The following YPEL2 variants were observed in gnomAD, a reference collection of about 807,000 sequenced individuals.
YPEL2 encodes the protein yippee like 2.
YPEL2 carries 2 observed loss-of-function variants against 19.1 expected under a neutral mutation model. That is an observed-to-expected ratio of 0.10 (90% CI 0.04 to 0.33). The LOEUF is 0.33. YPEL2 is among the 10% of genes least tolerant of loss of function. The pLI is 1.00. For synonymous variants in YPEL2, 52 were observed against 50.0 expected (o/e 1.04, Z -0.17); for missense variants, 66 against 140.7 (o/e 0.47, Z 2.68).
chr17:59,339,159 TTGTC>T (rs1567728937), intron 1 of YPEL2, among the ~76,000 whole-genome samples: 1 of 141,904 alleles, frequency 7.0e-6, no homozygotes, highest in Non-Finnish European at 1.5e-5. Context: ...ACTTCGGTCT[TTGTC>T]TGTTGGGGGT....
At chr17:59,356,865 T>C (rs909870402) in intron 2 of YPEL2, among the ~76,000 whole-genome samples, 1 of 152,146 alleles carries the variant, frequency 6.6e-6, no homozygotes. Flanking sequence ...AGGACACTAA[T>C]CCCATTCACA....
At chr17:59,375,523 C>T (rs2047916165) in intron 2 of YPEL2, among the ~76,000 whole-genome samples, 1 of 152,192 alleles carries the variant, frequency 6.6e-6, no homozygotes, top group African/African-American at 2.4e-5. Context: ...GGCTGGGACT[C>T]AGAGGGTGTT....
intron 2 of YPEL2, among the ~76,000 whole-genome samples, chr17:59,370,273 C>A (rs1284682705): frequency 6.6e-6 from 1 of 152,144 alleles, no homozygotes; most frequent in Non-Finnish European, 1.5e-5. Context: ...CTGTGTTAGC[C>A]AGGATGGTCT....
At chr17:59,337,313 G>A (rs928368237) in intron 1 of YPEL2, among the ~76,000 whole-genome samples, 13 of 150,496 alleles carry the variant, frequency 8.6e-5, no homozygotes, top group Admixed American at 3.3e-4. Context: ...TCAGCCTCCC[G>A]AGTAGCTGGG....
At chr17:59,345,478 A>C (rs921057207) in intron 1 of YPEL2, among the ~76,000 whole-genome samples, 2 of 152,106 alleles carry the variant, frequency 1.3e-5, no homozygotes, top group Admixed American at 1.3e-4. Context: ...ATTTTCAGAG[A>C]AGTTTTAGCA....
At chr17:59,392,497 C>T (rs994844306) in intron 4 of YPEL2, among the ~76,000 whole-genome samples, 1 of 149,404 alleles carries the variant, frequency 6.7e-6, no homozygotes, top group Non-Finnish European at 1.5e-5. Context: ...TATGTGCCAG[C>T]TCAGGGCACG....
chr17:59,338,674 G>C (rs1323895801), intron 1 of YPEL2, among the ~76,000 whole-genome samples: 1 of 152,076 alleles, frequency 6.6e-6, no homozygotes, highest in Admixed American at 6.6e-5. Flanking sequence ...AGCTACCATG[G>C]CTGCAGATAG....
At chr17:59,366,543 G>A (rs952221090) in intron 2 of YPEL2, among the ~76,000 whole-genome samples, 11 of 152,196 alleles carry the variant, frequency 7.2e-5, no homozygotes, top group African/African-American at 2.7e-4. Flanking sequence ...AGCTAGCCCA[G>A]CCGAGTCGGG....
At chr17:59,380,235 G>A (rs1254457415) in intron 2 of YPEL2, among the ~76,000 whole-genome samples, 1 of 149,868 alleles carries the variant, frequency 6.7e-6, no homozygotes, top group East Asian at 2.0e-4. Flanking sequence ...ATATAGTCTT[G>A]AAGTTTATGA....
chr17:59,335,710 G>A (rs1269257137), intron 1 of YPEL2, among the ~76,000 whole-genome samples: 1 of 151,842 alleles, frequency 6.6e-6, no homozygotes, highest in Non-Finnish European at 1.5e-5. Context: ...CACCACGCCC[G>A]GCTAATTTTT....
At chr17:59,396,029 C>G (rs376999961) in intron 4 of YPEL2, among the ~76,000 whole-genome samples, 1 of 151,978 alleles carries the variant, frequency 6.6e-6, no homozygotes, top group African/African-American at 2.4e-5. Context: ...TGTAGTGAGC[C>G]GAGATTGCAC....
At position 59,339,189 on chromosome 17, in the gene YPEL2, C is replaced by T. The variant is rs531480771; in HGVS notation, c.-196+7365C>T. Among the ~76,000 whole-genome samples the T allele has an allele frequency of 2.8e-5, 4 of 144,608 alleles. No individual in the cohort carries two copies. In the South Asian group the frequency reaches 9.4e-4, roughly 34 times the overall value. The allele number at this position is 144,608 out of a possible 152,430, so 94.9% of individuals were successfully genotyped here. A position where few individuals can be genotyped will look rare whatever the true frequency, so the allele number is the denominator to read the frequency against. ...TGTTGGGGGTCCCTCCCTACATTGACCCATTGCCAAATGAACCATAAGAGA... is the reference window on the plus strand; with the variant it reads ...TGTTGGGGGTCCCTCCCTACATTGATCCATTGCCAAATGAACCATAAGAGA... On this transcript the variant is annotated intron_variant, in intron 1 of 4. Coordinates refer to ENST00000312655, the MANE Select transcript of YPEL2 (RefSeq NM_001005404.4).
intron 2 of YPEL2, among the ~76,000 whole-genome samples, chr17:59,385,895 A>G (rs954371766): frequency 2.0e-5 from 3 of 152,246 alleles, no homozygotes; most frequent in Non-Finnish European, 4.4e-5. Context: ...ACTGTGTGCC[A>G]GATGCACATT....
chr17:59,333,512 C>CT (rs1369300922), intron 1 of YPEL2, among the ~76,000 whole-genome samples: 1 of 152,188 alleles, frequency 6.6e-6, no homozygotes, highest in Admixed American at 6.5e-5. Context: ...GGTTTTCAGA[C>CT]TTTGAGTGGG....
intron 4 of YPEL2, among the ~76,000 whole-genome samples, chr17:59,394,348 G>T (rs1386987175): frequency 1.3e-4 from 19 of 151,196 alleles, no homozygotes; most frequent in African/African-American, 4.6e-4. Context: ...TCGCGGCCGG[G>T]CAGAGGCGCT....
chr17:59,395,089 G>A (rs2048031848), intron 4 of YPEL2, among the ~76,000 whole-genome samples: 1 of 152,228 alleles, frequency 6.6e-6, no homozygotes, highest in African/African-American at 2.4e-5. Context: ...GGGAGAGGGA[G>A]AGGGAGAGGG....
intron 1 of YPEL2, among the ~76,000 whole-genome samples, chr17:59,332,661 C>T (rs62083331): frequency 5.3e-5 from 8 of 152,182 alleles, no homozygotes; most frequent in Non-Finnish European, 8.8e-5. Context: ...GACTTCTTGT[C>T]CGGAAGATTG....
intron 2 of YPEL2, among the ~76,000 whole-genome samples, chr17:59,364,943 T>C (rs1370454435): frequency 6.6e-6 from 1 of 152,226 alleles, no homozygotes; most frequent in African/African-American, 2.4e-5. Flanking sequence ...CCTTTGCGTC[T>C]TAATGGCCTC....
intron 1 of YPEL2, among the ~76,000 whole-genome samples, chr17:59,348,209 C>T (rs185854513): frequency 7.2e-5 from 11 of 152,356 alleles, no homozygotes; most frequent in Middle Eastern, 3.4e-3. Context: ...TCCTCTCAGA[C>T]ACCCCATGGA....
Sources: gnomAD v4.1 joint callset for allele counts (sites outside exome capture counted in the v4.1 genomes callset) on GRCh38, gnomAD v4.1.1 for gene constraint, MANE v1.5 for transcripts, NCBI Gene and HGNC (gene_info 2026-07-23, HGNC 2026-07-21) for gene names.